Variants in MMD2 observed in about 807,000 individuals in gnomAD.
MMD2 encodes the protein monocyte to macrophage differentiation factor 2.
In MMD2, 30 loss-of-function variants were observed where a neutral mutation model predicts 33.5. The observed-to-expected ratio is 0.90, with a 90% confidence interval of 0.67 to 1.22. The LOEUF is 1.22. Ranked by LOEUF, MMD2 falls within the 50% of genes most tolerant of loss-of-function variation. The pLI, the probability that MMD2 is intolerant of heterozygous loss-of-function variation, is 0.00. For synonymous variants in MMD2, 129 were observed against 123.0 expected, an observed-to-expected ratio of 1.05 and a Z score of -0.32; for missense variants, 364 against 325.4, an observed-to-expected ratio of 1.12 and a Z score of -0.91.
At chr7:4,918,046 A>G (rs1415158791) in intron 3 of MMD2, among the ~76,000 whole-genome samples, 1 of 152,058 alleles carries the variant, frequency 6.6e-6, no homozygotes, top group African/African-American at 2.4e-5. Flanking sequence ...CCACACTACA[A>G]CCCAGCACTA....
At chr7:4,951,432 C>G (rs1315356045) in intron 1 of MMD2, among the ~76,000 whole-genome samples, 1 of 152,060 alleles carries the variant, frequency 6.6e-6, no homozygotes, top group East Asian at 1.9e-4. Flanking sequence ...CCCTGGGTCC[C>G]TGCACTTCAC....
At chr7:4,909,315 C>G (rs1439019026) in intron 6 of MMD2, among the ~76,000 whole-genome samples, 5 of 149,868 alleles carry the variant, frequency 3.3e-5, no homozygotes, top group Admixed American at 6.8e-5. Context: ...GACCCCATCT[C>G]TAAAAAAAAG....
At chr7:4,894,691 T>C in the MMD2 span, among the ~76,000 whole-genome samples, 1 of 152,084 alleles carries the variant, frequency 6.6e-6, no homozygotes, top group South Asian at 2.1e-4. This position sits in a 1 kb window ranked among gnomAD's most constrained non-coding sequence, Gnocchi z 4.3. Context: ...GCTTGCAAGC[T>C]AGCAAGTGCA....
chr7:4,929,268 C>T (rs1479059074), intron 1 of MMD2, among the ~76,000 whole-genome samples: 2 of 152,106 alleles, frequency 1.3e-5, no homozygotes, highest in Non-Finnish European at 1.5e-5. Context: ...ACTAAGACCC[C>T]TGGGGCCAGG....
intron 1 of MMD2, among the ~76,000 whole-genome samples, chr7:4,932,551 C>A (rs1785618519): frequency 6.6e-6 from 1 of 151,960 alleles, no homozygotes; most frequent in African/African-American, 2.4e-5. Flanking sequence ...TCTCCTGCCC[C>A]CTCTTTGCAC....
downstream of MMD2, among the ~76,000 whole-genome samples, chr7:4,901,830 A>G (rs1469622232): frequency 6.6e-6 from 1 of 152,276 alleles, no homozygotes; most frequent in Non-Finnish European, 1.5e-5. Flanking sequence ...GCGACGACCA[A>G]TTACATACAT....
chr7:4,918,926 C>T lies in MMD2; in HGVS notation c.290+1245G>A, dbSNP rs950830743. On this transcript the variant is annotated intron_variant, in intron 3 of 6. Transcript: ENST00000401401. The stretch of plus-strand genomic sequence containing the variant: ...CAGCCTGGGCAACATGATGAAACCC[C>T]ATCTGTACAAGAAATACATAAAATT... 4.6e-5 allele frequency among the ~76,000 whole-genome samples: 7 copies of T among 151,988 alleles called. No individual in the cohort carries two copies. In the East Asian group the frequency reaches 1.4e-3, roughly 30 times the overall value.
the MMD2 span, among the ~76,000 whole-genome samples, chr7:4,899,683 A>C: frequency 6.6e-6 from 1 of 152,098 alleles, no homozygotes; most frequent in Admixed American, 6.6e-5. Context: ...GGCTTGAGCC[A>C]CCTCGCCCAG....
chr7:4,955,733 A>T (rs1786365530), intron 1 of MMD2, among the ~76,000 whole-genome samples: 1 of 152,224 alleles, frequency 6.6e-6, no homozygotes, highest in Non-Finnish European at 1.5e-5. Context: ...AATATTAGGC[A>T]CACATTAAAC....
At chr7:4,910,442 G>A (rs1431705838) in intron 5 of MMD2, among the ~76,000 whole-genome samples, 2 of 151,972 alleles carry the variant, frequency 1.3e-5, no homozygotes, top group Non-Finnish European at 2.9e-5. Context: ...TGCTTGTATC[G>A]TCCTGTTTCT....
the MMD2 span, among the ~76,000 whole-genome samples, chr7:4,899,633 T>C: frequency 3.5e-4 from 53 of 152,140 alleles, no homozygotes; most frequent in African/African-American, 1.3e-3. Flanking sequence ...TGACCTCAGG[T>C]GATCCACCTA....
intron 6 of MMD2, among the ~76,000 whole-genome samples, chr7:4,908,774 G>C (rs991826999): frequency 2.0e-5 from 3 of 151,820 alleles, no homozygotes; most frequent in African/African-American, 7.3e-5. Context: ...GCACGCGCCT[G>C]TAATCCCAGC....
At chr7:4,950,434 C>T (rs528511049) in intron 1 of MMD2, among the ~76,000 whole-genome samples, 1 of 152,170 alleles carries the variant, frequency 6.6e-6, no homozygotes, top group African/African-American at 2.4e-5. Flanking sequence ...CACCACCATC[C>T]ATCTCCAGAA....
chr7:4,899,514 C>T, the MMD2 span, among the ~76,000 whole-genome samples: 953 of 152,036 alleles, frequency 6.3e-3, 6 homozygotes, highest in African/African-American at 0.022. Flanking sequence ...CAGCCTCCCG[C>T]GTACCTGGGA....
In MMD2 at chr7:4,920,274, C is replaced by T. The variant is rs199679052; in HGVS notation, c.187G>A (p.Asp63Asn). The change falls in exon 3 of 7, where the codon GAC (aspartate) becomes AAC (asparagine). Residue 63 changes from aspartate (D) to asparagine (N), a missense_variant. Asp to Asn is a conservative substitution (Grantham distance 23). Coordinates refer to ENST00000401401, the MANE Select transcript of MMD2 (RefSeq NM_198403.4). ...ATCCAGGCAGAGATGGTCTCCCAGT[C>T]ATCGTCCGACAGGAAGTAGAGGTTG... ...SSNLYFLSDDDWETISAWIYG... is the reference protein window; with the variant it reads ...SSNLYFLSDDNWETISAWIYG... The T allele has an allele frequency of 1.2e-6, 2 of 1,606,698 alleles. No homozygotes were observed. The highest frequency in any genetic ancestry group is 1.3e-5 in the African/African-American group (1 of 74,964).
intron 2 of MMD2, 150 bp from the exon 3 acceptor site, chr7:4,920,481 C>T (rs1222809678): frequency 2.7e-6 from 2 of 730,700 alleles, no homozygotes; most frequent in Non-Finnish European, 2.2e-6. Flanking sequence ...CATTTTATTT[C>T]ACTTTAAGGG....
At position 4,906,748 on chromosome 7, in the gene MMD2, C is replaced by A. The variant is rs1784875568; in HGVS notation, c.*648G>T. The stretch of plus-strand genomic sequence containing the variant: ...ATGCCCATTTGGAGATTTTCAGCTA[C>A]TCTGGCCATTATCCCATTTCAGAGC... On this transcript the variant is annotated 3_prime_UTR_variant, in exon 7 of 7. Coordinates refer to ENST00000401401, the MANE Select transcript of MMD2 (RefSeq NM_198403.4). 2 of 391,272 alleles carry A rather than the reference C, an allele frequency of 5.1e-6. No individual in the cohort carries two copies. The highest frequency in any genetic ancestry group is 8.9e-5 in the Admixed American group (2 of 22,530). The allele number at this position is 391,272 out of a possible 1,614,324, so 24.2% of individuals were successfully genotyped here.
intron 1 of MMD2, among the ~76,000 whole-genome samples, chr7:4,935,390 A>T (rs899135046): frequency 5.3e-5 from 8 of 151,812 alleles, no homozygotes; most frequent in African/African-American, 1.9e-4. Flanking sequence ...CTCCACACCC[A>T]GAGATTTCAG....
intron 1 of MMD2, among the ~76,000 whole-genome samples, chr7:4,932,679 G>A (rs1010395249): frequency 3.3e-5 from 5 of 150,122 alleles, no homozygotes; most frequent in African/African-American, 1.2e-4. Context: ...CTGAAGTGCA[G>A]TGGCATGATC....
Sources: allele counts gnomAD v4.1 joint callset (sites outside exome capture counted in the v4.1 genomes callset), GRCh38; gene constraint gnomAD v4.1.1; non-coding constraint Gnocchi (gnomAD v3.1); transcripts MANE v1.5; gene names NCBI Gene and HGNC (gene_info 2026-07-23, HGNC 2026-07-21).